PIGN: variants seen among roughly 807,000 people sequenced by gnomAD.
PIGN encodes phosphatidylinositol glycan anchor biosynthesis class N.
Under a neutral mutation model 125.4 loss-of-function variants are expected in PIGN, and 117 were observed. The observed-to-expected ratio is 0.93, with a 90% CI of 0.80 to 1.09. The LOEUF (loss-of-function observed/expected upper bound fraction) is 1.09, where lower values mean the gene tolerates loss of function less well. Ranked by LOEUF, PIGN falls within the 50% of genes least tolerant of loss-of-function variation. The pLI, the probability that PIGN is intolerant of heterozygous loss-of-function variation, is 0.00. For synonymous variants in PIGN, 392 were observed against 377.8 expected, an observed-to-expected ratio of 1.04 and a Z score of -0.44; for missense variants, 1,075 against 1,094.9, an observed-to-expected ratio of 0.98 and a Z score of 0.26.
chr18:62,024,624 T>C (rs909833355), intron 23 of PIGN, among the ~76,000 whole-genome samples: 66 of 152,200 alleles, frequency 4.3e-4, no homozygotes, highest in African/African-American at 1.6e-3. Flanking sequence ...GCCCCCCTTG[T>C]TTCTTTCTAC....
rs1042120275 is a variant in PIGN at position 62,123,254 on chromosome 18, A to G, written c.1173-8615T>C. The stretch of plus-strand genomic sequence containing the variant: ...GACCCTCTTTCTAAAAATGAAATTT[A>G]AAAAAATGAAAGACTATAATAGAAA... On this transcript the variant is annotated intron_variant, in intron 14 of 30. Transcript: ENST00000640252. Among the ~76,000 whole-genome samples the G allele has an allele frequency of 2.0e-5, 3 of 152,180 alleles. No individual in the cohort carries two copies. The East Asian group carries it at 5.8e-4, about 29-fold the overall frequency.
intron 14 of PIGN, among the ~76,000 whole-genome samples, chr18:62,117,778 AT>A (rs903934633): frequency 2.6e-5 from 4 of 151,626 alleles, no homozygotes; most frequent in African/African-American, 7.3e-5. Context: ...CATCAAAGCT[AT>A]TTTTTTTAGC....
intron 30 of PIGN, among the ~76,000 whole-genome samples, chr18:62,066,334 C>T (rs974944814): frequency 8.5e-5 from 13 of 152,186 alleles, no homozygotes; most frequent in African/African-American, 3.1e-4. Flanking sequence ...GAGCAAGTCC[C>T]AATCTCCTTA....
intron 22 of PIGN, among the ~76,000 whole-genome samples, chr18:62,096,516 CTTTTTTTTTTTTTTTT>C: frequency 1.2e-5 from 1 of 85,652 alleles, no homozygotes; most frequent in South Asian, 4.1e-4. Context: ...GAATTATTTT[CTTTTTTTTTTTTTTTT>C]TTTTTTTTTT....
chr18:62,157,243 A>G lies in PIGN; in HGVS notation c.344-16T>C. ...TCCTTCCATCCTTCAGAAAGCAAGC[A>G]AGCAGTAATAGTTATATACACATGG... On this transcript the variant is annotated splice_polypyrimidine_tract_variant and intron_variant, in intron 5 of 30. Transcript: ENST00000640252. The G allele has an allele frequency of 7.1e-7, 1 of 1,409,072 alleles. No homozygotes were observed. Among genetic ancestry groups the G allele is most frequent in the Non-Finnish European group, 1.0e-6 (1 of 1,000,422 alleles). 87.3% of individuals were successfully genotyped at this position (1,409,072 alleles called of 1,614,324 possible). A position where few individuals can be genotyped will look rare whatever the true frequency, so the allele number is the denominator to read the frequency against.
intron 23 of PIGN, among the ~76,000 whole-genome samples, chr18:62,030,388 C>T (rs1315192135): frequency 6.6e-6 from 1 of 152,210 alleles, no homozygotes; most frequent in Non-Finnish European, 1.5e-5. Context: ...GAATGAGGCA[C>T]TTCTCAAGTA....
At chr18:62,131,558 C>T (rs2035738570) in intron 14 of PIGN, among the ~76,000 whole-genome samples, 1 of 152,124 alleles carries the variant, frequency 6.6e-6, no homozygotes, top group South Asian at 2.1e-4. Flanking sequence ...CCAATTTTAG[C>T]TTCAGGTGTT....
intron 14 of PIGN, among the ~76,000 whole-genome samples, chr18:62,125,267 AACAC>A (rs79322640): frequency 0.087 from 12,754 of 146,066 alleles, 739 homozygotes; most frequent in South Asian, 0.19. Context: ...TATGTGTATA[AACAC>A]ACACACACAC....
chr18:62,048,175 TA>T (rs1158153472), intron 30 of PIGN, among the ~76,000 whole-genome samples: 2 of 150,510 alleles, frequency 1.3e-5, no homozygotes, highest in African/African-American at 2.4e-5. Flanking sequence ...AAATAGATGT[TA>T]AAAAAAAATG....
At chr18:62,063,533 A>T (rs192889234) in intron 30 of PIGN, among the ~76,000 whole-genome samples, 17 of 151,254 alleles carry the variant, frequency 1.1e-4, no homozygotes, top group African/African-American at 3.4e-4. Flanking sequence ...ATCACATATC[A>T]TGCACATATG....
At chr18:62,123,443 T>C (rs897146448) in intron 14 of PIGN, 2 of 152,048 alleles carry the variant, frequency 1.3e-5, no homozygotes, top group Non-Finnish European at 2.9e-5. Context: ...CATTAAGAAC[T>C]AAATGGCTGA....
At chr18:62,155,235 T>G (rs74531507) in intron 6 of PIGN, among the ~76,000 whole-genome samples, 4,603 of 152,258 alleles carry the variant, frequency 0.03, 85 homozygotes, top group East Asian at 0.073. Context: ...CTAAACAGTT[T>G]AGTGAATTTC....
Position 62,157,928 on chromosome 18 carries a change from TAAG to T in PIGN, c.222-123_222-121del, listed in dbSNP as rs769192101. 2.1e-5 allele frequency: 20 copies of T among 932,892 alleles called. No homozygotes were observed. The Admixed American group carries it at 3.4e-4, about 16-fold the overall frequency. 57.8% of individuals were successfully genotyped at this position (932,892 alleles called of 1,614,324 possible). A position where few individuals can be genotyped will look rare whatever the true frequency, so the allele number is the denominator to read the frequency against. On this transcript the variant is annotated intron_variant, in intron 4 of 30. Transcript: ENST00000640252. ...AAAGCAAAAAACTTAAGTCAAAACT[TAAG>T]AAGGAAAGGAATTTTTCAAATTCCA...
chr18:62,051,795 A>G (rs62096636), intron 30 of PIGN: 45,742 of 151,792 alleles, frequency 0.3, 8,032 homozygotes, highest in East Asian at 0.58. Context: ...TGTGATGTTA[A>G]GGTGTCAATT....
chr18:62,175,290 C>T lies in PIGN; in HGVS notation c.-236+11554G>A, dbSNP rs189740904. On this transcript the variant is annotated intron_variant, in intron 1 of 30. Coordinates refer to ENST00000640252, the MANE Select transcript of PIGN (RefSeq NM_176787.5). Reference sequence around the variant, plus strand: ...ACTACACAATGTAAGTTTCTCCCTTCATCTAAAGTAATTACATATTTTACT... The same window carrying T: ...ACTACACAATGTAAGTTTCTCCCTTTATCTAAAGTAATTACATATTTTACT... 2.6e-5 allele frequency among the ~76,000 whole-genome samples: 4 copies of T among 151,850 alleles called. No homozygotes were observed. The East Asian group carries it at 7.8e-4, about 29-fold the overall frequency.
intron 8 of PIGN, among the ~76,000 whole-genome samples, chr18:62,147,501 G>A (rs1270197369): frequency 6.6e-6 from 1 of 152,026 alleles, no homozygotes; most frequent in Non-Finnish European, 1.5e-5. Context: ...ATAATATCAT[G>A]TTTTGAACAC....
At chr18:62,046,022 G>T in intron 30 of PIGN, 43 bp from the exon 31 acceptor site, 1 of 1,591,768 alleles carries the variant, frequency 6.3e-7, no homozygotes, top group Non-Finnish European at 8.6e-7. Flanking sequence ...GAGAACACAG[G>T]TGAGGAAAAT....
chr18:62,048,357 A>C (rs1949462935), intron 30 of PIGN, among the ~76,000 whole-genome samples: 1 of 152,232 alleles, frequency 6.6e-6, no homozygotes, highest in Admixed American at 6.5e-5. Context: ...CAAACCTCAA[A>C]TAAGGTAAAC....
intron 4 of PIGN, among the ~76,000 whole-genome samples, chr18:62,158,860 A>C (rs2036836302): frequency 2.0e-5 from 3 of 152,256 alleles, no homozygotes; most frequent in African/African-American, 7.2e-5. Context: ...ACTGGACTTA[A>C]ACAGAAAGGG....
Sources: allele counts gnomAD v4.1 joint callset (sites outside exome capture counted in the v4.1 genomes callset), GRCh38; gene constraint gnomAD v4.1.1; transcripts MANE v1.5; gene names NCBI Gene and HGNC (gene_info 2026-07-23, HGNC 2026-07-21).